The following SHANK2 variants were observed in gnomAD, a reference collection of about 807,000 sequenced individuals.
SHANK2 encodes the protein SH3 and multiple ankyrin repeat domains 2.
SHANK2 carries 43 observed loss-of-function variants against 133.7 expected under a neutral mutation model. The ratio of observed to expected loss-of-function variants is 0.32; its 90% CI spans 0.25 to 0.41. SHANK2 has a LOEUF of 0.41. Among genes scored for constraint, SHANK2 ranks in the 10% least tolerant of loss-of-function variants. SHANK2 has a pLI of 1.00. For synonymous variants in SHANK2, 1,017 were observed against 952.8 expected, an observed-to-expected ratio of 1.07 and a Z score of -1.24; for missense variants, 1,994 against 2,235.8, an observed-to-expected ratio of 0.89 and a Z score of 2.18.
chr11:70,632,953 C>T (rs1374219732), intron 17 of SHANK2, among the ~76,000 whole-genome samples: 1 of 151,844 alleles, frequency 6.6e-6, no homozygotes, highest in South Asian at 2.1e-4. Context: ...TTGCATGGAG[C>T]GTTGATGGAT....
rs929434390 is a variant in SHANK2 at position 70,481,956 on chromosome 11, C to T, written c.4979+3358G>A. 5.6e-4 allele frequency among the ~76,000 whole-genome samples: 13 copies of T among 23,046 alleles called. 1 individual carries two copies. The Middle Eastern group carries it at 0.079, about 140-fold the overall frequency. 15.1% of individuals were successfully genotyped at this position (23,046 alleles called of 152,430 possible). ...GACAGCTCTGGTGCCCTGGCAACTC[C>T]GTCCTGGACCCCCCCCCAGTGGTGG... On this transcript the variant is annotated intron_variant, in intron 25 of 25. Transcript: ENST00000601538.
intron 14 of SHANK2, among the ~76,000 whole-genome samples, chr11:70,793,879 G>T (rs1037655456): frequency 6.6e-6 from 1 of 152,134 alleles, no homozygotes; most frequent in Non-Finnish European, 1.5e-5. Context: ...TTTTTAGCAG[G>T]TTCATTCATA....
chr11:70,876,432 C>T (rs1318660032), intron 11 of SHANK2, among the ~76,000 whole-genome samples: 1 of 149,186 alleles, frequency 6.7e-6, no homozygotes, highest in Non-Finnish European at 1.5e-5. Flanking sequence ...TGGTATCGGG[C>T]ACCTATAGTC....
chr11:70,526,323 A>T (rs1263176657), intron 17 of SHANK2, among the ~76,000 whole-genome samples: 1 of 152,158 alleles, frequency 6.6e-6, no homozygotes. Flanking sequence ...GTGACTGGAC[A>T]AGAGACTGAT....
intron 17 of SHANK2, among the ~76,000 whole-genome samples, chr11:70,513,682 G>T: frequency 6.6e-6 from 1 of 152,146 alleles, no homozygotes; most frequent in East Asian, 1.9e-4. Context: ...TAAAAGACAG[G>T]AAATCCCAAG....
intron 15 of SHANK2, among the ~76,000 whole-genome samples, chr11:70,692,889 A>G (rs989927720): frequency 1.2e-4 from 18 of 152,346 alleles, no homozygotes; most frequent in Non-Finnish European, 2.1e-4. Context: ...CTAAGGGAGA[A>G]CAAAAAACAG....
At chr11:71,095,142 G>T (rs1261725445) in intron 6 of SHANK2, among the ~76,000 whole-genome samples, 2 of 152,252 alleles carry the variant, frequency 1.3e-5, no homozygotes, top group Admixed American at 1.3e-4. Flanking sequence ...GCCATGGGCT[G>T]CAGGGACACA....
intron 11 of SHANK2, among the ~76,000 whole-genome samples, chr11:70,841,380 C>G (rs1555061644): frequency 6.6e-6 from 1 of 152,238 alleles, no homozygotes. Context: ...TCTCTCCTTC[C>G]TCCACCGCCA....
chr11:70,812,758 G>T (rs906288275), intron 12 of SHANK2, among the ~76,000 whole-genome samples: 1 of 152,226 alleles, frequency 6.6e-6, no homozygotes, highest in African/African-American at 2.4e-5. Context: ...TGTCCTGCCT[G>T]CACAGTGAGG....
chr11:71,223,675 C>T (rs782436560), intron 2 of SHANK2, among the ~76,000 whole-genome samples: 4 of 152,138 alleles, frequency 2.6e-5, no homozygotes, highest in Admixed American at 6.5e-5. Context: ...GATGACTGTA[C>T]GGCCCTTCCA....
At chr11:70,709,060 A>G (rs1945724501) in intron 14 of SHANK2, among the ~76,000 whole-genome samples, 1 of 152,084 alleles carries the variant, frequency 6.6e-6, no homozygotes, top group East Asian at 1.9e-4. Context: ...AAAATACACA[A>G]ATTAGCTGGG....
intron 2 of SHANK2, among the ~76,000 whole-genome samples, chr11:71,214,833 T>C (rs1555119453): frequency 6.6e-6 from 1 of 152,232 alleles, no homozygotes; most frequent in Non-Finnish European, 1.5e-5. Flanking sequence ...CAAAAGGCCA[T>C]TCTAGACCAG....
intron 11 of SHANK2, among the ~76,000 whole-genome samples, chr11:70,859,372 G>A (rs1257375069): frequency 2.0e-5 from 3 of 152,162 alleles, no homozygotes; most frequent in African/African-American, 2.4e-5. Flanking sequence ...GTAGGCAAGC[G>A]AGTAGGTGGA....
chr11:70,761,570 C>A (rs190164485), intron 14 of SHANK2, among the ~76,000 whole-genome samples: 1 of 152,330 alleles, frequency 6.6e-6, no homozygotes, highest in Non-Finnish European at 1.5e-5. Context: ...CCCGGGTGCA[C>A]CAGTGTTCCC....
At chr11:70,803,970 C>T (rs970155776) in intron 13 of SHANK2, among the ~76,000 whole-genome samples, 1 of 152,054 alleles carries the variant, frequency 6.6e-6, no homozygotes, top group Non-Finnish European at 1.5e-5. Context: ...CAAATGGGAC[C>T]GAGCGGAGGA....
rs1453268449 is a variant in SHANK2 at position 70,820,543 on chromosome 11, C to T, written c.1314G>A (p.Thr438=). Residue 438 remains threonine (T), a synonymous_variant, in exon 12 of 26, where the codon ACG becomes ACA. Transcript: ENST00000601538. ...GTGACAGGCTGCGGTGCGAGGTGGC[C>T]GTGGAGCAGACGGCCCAGTCGGGAG... ...ASAPDWAVCS[T]ATSHRSLSPQ... 8.4e-6 allele frequency: 6 copies of T among 716,940 alleles called. No homozygotes were observed. The highest frequency in any genetic ancestry group is 3.5e-5 in the African/African-American group (2 of 57,256). 44.4% of individuals were successfully genotyped at this position (716,940 alleles called of 1,614,324 possible).
intron 2 of SHANK2, among the ~76,000 whole-genome samples, chr11:71,170,295 A>G (rs189792447): frequency 6.6e-6 from 1 of 152,356 alleles, no homozygotes; most frequent in Admixed American, 6.5e-5. Flanking sequence ...ATGCTAGACT[A>G]GAACAACGTA....
chr11:70,738,874 G>T (rs1946463792), intron 14 of SHANK2, among the ~76,000 whole-genome samples: 1 of 152,212 alleles, frequency 6.6e-6, no homozygotes, highest in Admixed American at 6.5e-5. Flanking sequence ...AGCCTGCCCA[G>T]GCCCCAGAGG....
At chr11:70,658,327 G>T (rs11237099) in intron 17 of SHANK2, among the ~76,000 whole-genome samples, 1 of 134,542 alleles carries the variant, frequency 7.4e-6, no homozygotes, top group East Asian at 2.3e-4. Context: ...ACACGAAGGG[G>T]ACTCACATCC....
Sources: allele counts gnomAD v4.1 joint callset (sites outside exome capture counted in the v4.1 genomes callset), GRCh38; gene constraint gnomAD v4.1.1; transcripts MANE v1.5; gene names NCBI Gene and HGNC (gene_info 2026-07-23, HGNC 2026-07-21).